The following DPP10 variants were observed in gnomAD, a reference collection of about 807,000 sequenced individuals.
DPP10 encodes the protein inactive dipeptidyl peptidase 10.
In DPP10, 33 loss-of-function variants were observed where a neutral mutation model predicts 120.9. The ratio of observed to expected loss-of-function variants is 0.27; its 90% CI spans 0.21 to 0.37. The LOEUF (loss-of-function observed/expected upper bound fraction) is 0.37. Ranked by LOEUF, DPP10 falls within the 10% of genes least tolerant of loss-of-function variation. The pLI is 1.00. For synonymous variants in DPP10, 337 were observed against 326.1 expected (o/e 1.03, Z -0.36); for missense variants, 816 against 942.8 (o/e 0.87, Z 1.76).
intron 1 of DPP10, among the ~76,000 whole-genome samples, chr2:115,260,226 ACAT>A (rs950865899): frequency 1.3e-5 from 2 of 151,904 alleles, no homozygotes; most frequent in African/African-American, 4.8e-5. Context: ...TATGTATATA[ACAT>A]CGTGGTATTA....
intron 1 of DPP10, among the ~76,000 whole-genome samples, chr2:114,719,567 C>T (rs1293431550): frequency 6.6e-6 from 1 of 152,164 alleles, no homozygotes. Flanking sequence ...ATAGGGCATA[C>T]ATGGCCTGGT....
At chr2:114,982,211 G>C (rs954816855) in intron 1 of DPP10, among the ~76,000 whole-genome samples, 1 of 152,098 alleles carries the variant, frequency 6.6e-6, no homozygotes, top group Non-Finnish European at 1.5e-5. Context: ...TGTTTGGGAG[G>C]GGAGATAATA....
At chr2:114,852,270 C>A (rs1345243214) in intron 1 of DPP10, among the ~76,000 whole-genome samples, 2 of 147,230 alleles carry the variant, frequency 1.4e-5, no homozygotes, top group African/African-American at 5.0e-5. Context: ...CCCCTCTGGC[C>A]TTTCAAGAGA....
chr2:115,331,961 C>T (rs527692240), intron 2 of DPP10, among the ~76,000 whole-genome samples: 1 of 152,122 alleles, frequency 6.6e-6, no homozygotes, highest in Admixed American at 6.6e-5. Context: ...GGAGGATTCT[C>T]TCTTTTTCTG....
At chr2:115,804,050 C>T (rs535654525) in intron 19 of DPP10, among the ~76,000 whole-genome samples, 2,704 of 152,118 alleles carry the variant, frequency 0.018, 81 homozygotes, top group African/African-American at 0.06. Flanking sequence ...CCATTCTCCC[C>T]GTCACTTTCA....
intron 9 of DPP10, among the ~76,000 whole-genome samples, chr2:115,743,631 T>A (rs1677570612): frequency 6.6e-6 from 1 of 151,202 alleles, no homozygotes; most frequent in Non-Finnish European, 1.5e-5. Context: ...TTTAGGCACT[T>A]TACATAAATC....
intron 16 of DPP10, among the ~76,000 whole-genome samples, chr2:115,781,487 G>T (rs572947158): frequency 6.6e-6 from 1 of 151,790 alleles, no homozygotes; most frequent in Non-Finnish European, 1.5e-5. Context: ...GTAACAATAT[G>T]CGTAGTCTTA....
intron 4 of DPP10, among the ~76,000 whole-genome samples, chr2:115,504,262 T>C (rs1008018454): frequency 7.1e-6 from 1 of 140,478 alleles, no homozygotes; most frequent in African/African-American, 2.6e-5. Flanking sequence ...ATCACTTATT[T>C]GGCTATTGCC....
At chr2:115,580,958 G>C (rs1203799640) in intron 5 of DPP10, among the ~76,000 whole-genome samples, 2 of 152,092 alleles carry the variant, frequency 1.3e-5, no homozygotes, top group South Asian at 2.1e-4. Flanking sequence ...CCATTGTTAA[G>C]GTACGGAAAA....
intron 5 of DPP10, among the ~76,000 whole-genome samples, chr2:115,653,522 G>C (rs2149384745): frequency 6.6e-6 from 1 of 151,928 alleles, no homozygotes. Flanking sequence ...GCTCCTAAAA[G>C]TTTTTCTTAC....
intron 1 of DPP10, among the ~76,000 whole-genome samples, chr2:114,825,752 T>C (rs78620046): frequency 7.7e-4 from 118 of 152,326 alleles, no homozygotes; most frequent in African/African-American, 2.6e-3. Context: ...GGAATAGATA[T>C]TCAACTCAGT....
At chr2:114,645,066 A>G (rs1466118405) in intron 1 of DPP10, among the ~76,000 whole-genome samples, 1 of 150,586 alleles carries the variant, frequency 6.6e-6, no homozygotes. Context: ...AAATTAAGAC[A>G]TTTAGCAAGT....
At chr2:115,642,885 T>C (rs755443606) in intron 5 of DPP10, among the ~76,000 whole-genome samples, 8 of 152,080 alleles carry the variant, frequency 5.3e-5, no homozygotes, top group Non-Finnish European at 1.2e-4. Context: ...TACTATGTTG[T>C]AGTTCAAAAT....
intron 1 of DPP10, among the ~76,000 whole-genome samples, chr2:114,911,461 A>T (rs1316698150): frequency 6.6e-6 from 1 of 152,238 alleles, no homozygotes; most frequent in African/African-American, 2.4e-5. Context: ...ATAGATGAAC[A>T]ATAAACAGGT....
intron 5 of DPP10, chr2:115,580,301 T>C (rs2081939134): frequency 6.6e-6 from 1 of 152,200 alleles, no homozygotes; most frequent in Admixed American, 6.5e-5. Flanking sequence ...CTTGTCACAA[T>C]CATTTTAGCA....
chr2:114,888,759 T>A (rs1692295754), intron 1 of DPP10, among the ~76,000 whole-genome samples: 1 of 152,120 alleles, frequency 6.6e-6, no homozygotes, highest in African/African-American at 2.4e-5. Flanking sequence ...TCATACAGGA[T>A]CCCCATGTTT....
Position 115,117,153 on chromosome 2 carries a change from A to G in DPP10, c.61-192086A>G, listed in dbSNP as rs779666422. ...ATTGCCTTGCCATGGTAAGCACTCAATTAGTATCTGGTGATTGCTTGCTTA... is the reference window on the plus strand; with the variant it reads ...ATTGCCTTGCCATGGTAAGCACTCAGTTAGTATCTGGTGATTGCTTGCTTA... On this transcript the variant is annotated intron_variant, in intron 1 of 25. Transcript: ENST00000410059. 3.7e-4 allele frequency among the ~76,000 whole-genome samples: 57 copies of G among 152,314 alleles called. 1 individual carries two copies. Among genetic ancestry groups the G allele is most frequent in the Middle Eastern group, 3.4e-3 (1 of 292 alleles).
At chr2:115,732,891 C>T (rs1470960886) in intron 8 of DPP10, among the ~76,000 whole-genome samples, 2 of 152,070 alleles carry the variant, frequency 1.3e-5, no homozygotes, top group Non-Finnish European at 2.9e-5. Context: ...ATGAGAAATA[C>T]GGGTTTCCAT....
At chr2:114,827,382 A>G (rs772556852) in intron 1 of DPP10, among the ~76,000 whole-genome samples, 1 of 152,158 alleles carries the variant, frequency 6.6e-6, no homozygotes, top group Non-Finnish European at 1.5e-5. Context: ...ACAACTGTAG[A>G]TACTGGTTTG....
Sources: allele counts gnomAD v4.1 joint callset (sites outside exome capture counted in the v4.1 genomes callset), GRCh38; gene constraint gnomAD v4.1.1; transcripts MANE v1.5; gene names NCBI Gene and HGNC (gene_info 2026-07-23, HGNC 2026-07-21).